Variants in C7orf33 observed in about 807,000 individuals in gnomAD.
C7orf33 encodes uncharacterized protein C7orf33.
A neutral mutation model predicts 13.4 loss-of-function variants in C7orf33; 15 were observed. That is an observed-to-expected ratio of 1.12 (90% CI 0.75 to 1.72). The LOEUF (loss-of-function observed/expected upper bound fraction) is 1.72. Among genes scored for constraint, C7orf33 ranks in the 40% most tolerant of loss-of-function variants. C7orf33 has a pLI of 0.00. For synonymous variants in C7orf33, 73 were observed against 83.2 expected, an observed-to-expected ratio of 0.88 and a Z score of 0.67; for missense variants, 187 against 220.3, an observed-to-expected ratio of 0.85 and a Z score of 0.96.
intron 1 of C7orf33, among the ~76,000 whole-genome samples, chr7:148,592,516 A>ATTTTT (rs11373127): frequency 7.1e-6 from 1 of 140,826 alleles, no homozygotes; most frequent in East Asian, 2.2e-4. Context: ...GGTAGATAGG[A>ATTTTT]TTTTTTTTTT....
chr7:148,602,826 C>A (rs1796431564), intron 1 of C7orf33, among the ~76,000 whole-genome samples: 1 of 152,198 alleles, frequency 6.6e-6, no homozygotes, highest in African/African-American at 2.4e-5. Context: ...TTTATCGAAG[C>A]TGTTGGATAC....
intron 1 of C7orf33, among the ~76,000 whole-genome samples, chr7:148,611,144 C>G (rs1796532681): frequency 6.6e-6 from 1 of 152,170 alleles, no homozygotes; most frequent in East Asian, 1.9e-4. Context: ...CCAAACAGCC[C>G]TTCCCCATAA....
In C7orf33 at chr7:148,591,007, C is replaced by T. The variant is rs1796262143; in HGVS notation, c.82C>T (p.Leu28=). 1 of 1,614,184 alleles carries T rather than the reference C, an allele frequency of 6.2e-7. No homozygotes were observed. The highest frequency in any genetic ancestry group is 8.5e-7 in the Non-Finnish European group (1 of 1,180,014). Residue 28 remains leucine (L), a synonymous_variant, in exon 1 of 3, where the codon CTG becomes TTG. Transcript: ENST00000307003. ...CCCCCAATGTGAATGTGAAGCCCTCCTGCCCAGTGGGGCAAGGCGCCGGAT... is the reference window on the plus strand; with the variant it reads ...CCCCCAATGTGAATGTGAAGCCCTCTTGCCCAGTGGGGCAAGGCGCCGGAT... ...PGPQCECEAL[L]PSGARRRIDL...
intron 1 of C7orf33, among the ~76,000 whole-genome samples, chr7:148,601,077 C>T (rs1326410065): frequency 1.3e-5 from 2 of 152,068 alleles, no homozygotes; most frequent in Non-Finnish European, 2.9e-5. Context: ...GCTGGGATTA[C>T]AGGTGTGAGC....
intron 1 of C7orf33, among the ~76,000 whole-genome samples, chr7:148,611,556 G>T (rs1483070593): frequency 1.3e-5 from 2 of 152,118 alleles, no homozygotes; most frequent in Non-Finnish European, 2.9e-5. Context: ...CCCCATCCAT[G>T]TTGCTGAGTG....
chr7:148,596,226 A>T (rs1005580855), intron 1 of C7orf33, among the ~76,000 whole-genome samples: 1 of 152,212 alleles, frequency 6.6e-6, no homozygotes, highest in Middle Eastern at 3.2e-3. Context: ...GCCCTCACAC[A>T]TGCACAACCT....
intron 1 of C7orf33, among the ~76,000 whole-genome samples, chr7:148,592,421 G>A (rs977306046): frequency 7.9e-5 from 12 of 152,146 alleles, no homozygotes; most frequent in Non-Finnish European, 1.3e-4. Flanking sequence ...TGACGTATAT[G>A]TGCTTAAAAG....
intron 1 of C7orf33, among the ~76,000 whole-genome samples, chr7:148,598,562 T>C (rs2116891175): frequency 6.6e-6 from 1 of 151,612 alleles, no homozygotes; most frequent in Middle Eastern, 3.4e-3. Context: ...ATAATAAAGT[T>C]AATCTACAAC....
At chr7:148,604,545 T>C (rs1262654708) in intron 1 of C7orf33, among the ~76,000 whole-genome samples, 2 of 152,128 alleles carry the variant, frequency 1.3e-5, no homozygotes, top group Admixed American at 6.5e-5. Flanking sequence ...CAGTGGACTT[T>C]GGGGACTCAG....
chr7:148,605,018 G>C lies in C7orf33; in HGVS notation c.205-9024G>C, dbSNP rs568583606. On this transcript the variant is annotated intron_variant, in intron 1 of 2. Coordinates refer to ENST00000307003, the MANE Select transcript of C7orf33 (RefSeq NM_145304.4). Reference sequence around the variant, plus strand: ...ATGCCAAGTTGGGTGGATCACCTGAGGTCAGGAGTTCAAGACCAGCCTGGC... The same window carrying C: ...ATGCCAAGTTGGGTGGATCACCTGACGTCAGGAGTTCAAGACCAGCCTGGC... 2.8e-4 allele frequency among the ~76,000 whole-genome samples: 43 copies of C among 152,286 alleles called. No individual in the cohort carries two copies. In the South Asian group the frequency reaches 3.9e-3, roughly 14 times the overall value.
In C7orf33 at chr7:148,615,372, A is replaced by G. The variant is rs1796591226; in HGVS notation, c.505A>G (p.Thr169Ala). The G allele has an allele frequency of 6.2e-7, 1 of 1,613,592 alleles. No individual in the cohort carries two copies. Among genetic ancestry groups the G allele is most frequent in the East Asian group, 2.2e-5 (1 of 44,884 alleles). Residue 169 changes from threonine (T) to alanine (A), a missense_variant, in exon 3 of 3, where the codon ACA becomes GCA. Coordinates refer to ENST00000307003, the MANE Select transcript of C7orf33 (RefSeq NM_145304.4). ...VRKLQNSVEATRISRTDSS is the reference protein window; with the variant it reads ...VRKLQNSVEAARISRTDSS ...AAAGCTCCAGAATTCTGTTGAGGCC[A>G]CAAGGATTTCCAGAACTGACAGCAG...
rs112016323 is a variant in C7orf33 at position 148,615,615 on chromosome 7, G to A, written c.*214G>A. On this transcript the variant is annotated 3_prime_UTR_variant, in exon 3 of 3. Coordinates refer to ENST00000307003, the MANE Select transcript of C7orf33 (RefSeq NM_145304.4). ...ACGTGTACCTGCAGGAATCTGTGTG[G>A]CATTTGTGCACTGGTGTGGGGCCCA... 74 of 465,328 alleles carry A rather than the reference G, an allele frequency of 1.6e-4. No homozygotes were observed. Among genetic ancestry groups the A allele is most frequent in the African/African-American group, 1.4e-3 (68 of 50,146 alleles). The allele number at this position is 465,328 out of a possible 1,614,324, so 28.8% of individuals were successfully genotyped here.
Position 148,598,986 on chromosome 7 carries a change from CCAAGTAGCTGGGATTACAAGCA to C in C7orf33, c.204+7859_204+7880del, listed in dbSNP as rs372169711. ...CAAGTGATTCTCCTGCCTCAGCTTC[CCAAGTAGCTGGGATTACAAGCA>C]CTTGCCACCACACCTGGCTAATTTT... is the stretch of plus-strand genomic sequence containing the variant. On this transcript the variant is annotated intron_variant, in intron 1 of 2. Coordinates refer to ENST00000307003, the MANE Select transcript of C7orf33 (RefSeq NM_145304.4). Among the ~76,000 whole-genome samples, 1,323 of 151,796 alleles carry C rather than the reference CCAAGTAGCTGGGATTACAAGCA, an allele frequency of 8.7e-3. 16 individuals carry two copies. Among genetic ancestry groups the C allele is most frequent in the African/African-American group, 0.031 (1,263 of 41,376 alleles).
At chr7:148,612,845 A>G (rs1011814871) in intron 1 of C7orf33, among the ~76,000 whole-genome samples, 5 of 151,540 alleles carry the variant, frequency 3.3e-5, no homozygotes, top group Non-Finnish European at 7.4e-5. Flanking sequence ...TTAAACACAT[A>G]CTAGATCTTT....
intron 1 of C7orf33, among the ~76,000 whole-genome samples, chr7:148,598,753 TATATATATATAGAGAGAGAGAGAGAGAG>T (rs1303198735): frequency 5.4e-4 from 34 of 62,540 alleles, no homozygotes; most frequent in African/African-American, 2.0e-3. Context: ...TATATATATA[TATATATATATAGAGAGAGAGAGAGAGAG>T]AGAGAGAGAG....
At chr7:148,598,053 C>G (rs1796363125) in intron 1 of C7orf33, among the ~76,000 whole-genome samples, 1 of 152,198 alleles carries the variant, frequency 6.6e-6, no homozygotes, top group Non-Finnish European at 1.5e-5. Flanking sequence ...CGGCGCCCAG[C>G]CTCCCTTGCG....
chr7:148,612,571 G>T (rs1796556336), intron 1 of C7orf33, among the ~76,000 whole-genome samples: 1 of 152,160 alleles, frequency 6.6e-6, no homozygotes, highest in Admixed American at 6.6e-5. Context: ...TTTTTAATGG[G>T]CAAAGAATAT....
intron 1 of C7orf33, among the ~76,000 whole-genome samples, chr7:148,612,213 T>A (rs1377077203): frequency 4.6e-5 from 7 of 152,314 alleles, no homozygotes; most frequent in African/African-American, 1.2e-4. Context: ...ATTTTTTTTT[T>A]AATTTCCATT....
chr7:148,603,045 G>A (rs1230435901), intron 1 of C7orf33, among the ~76,000 whole-genome samples: 5 of 152,100 alleles, frequency 3.3e-5, no homozygotes, highest in Admixed American at 1.3e-4. Context: ...TCATCACAAA[G>A]AGAACGCTAC....
Sources: gnomAD v4.1 joint callset for allele counts (sites outside exome capture counted in the v4.1 genomes callset) on GRCh38, gnomAD v4.1.1 for gene constraint, MANE v1.5 for transcripts, NCBI Gene and HGNC (gene_info 2026-07-23, HGNC 2026-07-21) for gene names.